Variants in RTKN2 observed in about 807,000 individuals in gnomAD.
RTKN2 encodes rhotekin 2, also known as rhotekin-2.
Under a neutral mutation model 71.5 loss-of-function variants are expected in RTKN2, and 69 were observed. The ratio of observed to expected loss-of-function variants is 0.96; its 90% CI spans 0.79 to 1.18. The LOEUF (loss-of-function observed/expected upper bound fraction) is 1.18. RTKN2 is among the 50% of genes most tolerant of loss of function. The probability of loss-of-function intolerance (pLI) is 0.00; values close to 1 mark genes in which losing one functional copy is unlikely to be tolerated. For missense variants in RTKN2, 724 were observed against 719.7 expected, an observed-to-expected ratio of 1.01 and a Z score of -0.07; for synonymous variants, 236 against 236.5, an observed-to-expected ratio of 1.00 and a Z score of 0.02.
At position 62,198,331 on chromosome 10, in the gene RTKN2, A is replaced by T; in HGVS notation, c.1407T>A (p.Pro469=). ...GGTTACCATCAAAGAGTGTGGCCCA[A>T]GGAGGTGGTAAGGATTCTTCATGCT... The part of the protein sequence containing the change: ...IGQHEESLPP[P]WATLFDGNHQ... The change falls in exon 12 of 12, where the codon CCT becomes CCA. Residue 469 remains proline, a synonymous_variant. Coordinates refer to ENST00000373789, the MANE Select transcript of RTKN2 (RefSeq NM_145307.4). The T allele has an allele frequency of 1.2e-6, 2 of 1,613,912 alleles. No homozygotes were observed. Among genetic ancestry groups the T allele is most frequent in the Non-Finnish European group, 1.7e-6 (2 of 1,179,854 alleles).
chr10:62,231,710 GGTA>G (rs1317691684), intron 6 of RTKN2, among the ~76,000 whole-genome samples: 1 of 151,842 alleles, frequency 6.6e-6, no homozygotes, highest in Non-Finnish European at 1.5e-5. Flanking sequence ...TGGCTTAAAT[GGTA>G]GTCTAAAAAA....
chr10:62,207,466 C>T (rs1212339273), intron 9 of RTKN2, among the ~76,000 whole-genome samples: 2 of 152,142 alleles, frequency 1.3e-5, no homozygotes, highest in African/African-American at 4.8e-5. Context: ...GTGATTAATA[C>T]AAGTAAAGTT....
intron 7 of RTKN2, among the ~76,000 whole-genome samples, chr10:62,219,450 A>C (rs1841857037): frequency 6.6e-6 from 1 of 152,210 alleles, no homozygotes; most frequent in Non-Finnish European, 1.5e-5. Context: ...TCTGCCATAA[A>C]GAACATTATT....
intron 1 of RTKN2, 134 bp downstream of exon 1, chr10:62,268,417 T>A: frequency 1.2e-6 from 1 of 869,408 alleles, no homozygotes; most frequent in Non-Finnish European, 1.9e-6. Context: ...TCCTAATCCC[T>A]CCCTTTGTTT....
chr10:62,260,532 ATATGTGTG>A (rs1842754321), intron 2 of RTKN2, among the ~76,000 whole-genome samples: 1 of 95,928 alleles, frequency 1.0e-5, no homozygotes, highest in Non-Finnish European at 2.3e-5. Context: ...ATGAACAAAT[ATATGTGTG>A]TGTGTGTGTG....
chr10:62,252,471 G>A (rs1012647701), intron 2 of RTKN2, among the ~76,000 whole-genome samples: 1 of 152,040 alleles, frequency 6.6e-6, no homozygotes, highest in Non-Finnish European at 1.5e-5. Flanking sequence ...GATGATTTTG[G>A]AAAGTACAAC....
At chr10:62,222,525 TAC>T (rs1486626321) in intron 7 of RTKN2, among the ~76,000 whole-genome samples, 1 of 152,224 alleles carries the variant, frequency 6.6e-6, no homozygotes, top group African/African-American at 2.4e-5. Flanking sequence ...ATCTTATCAG[TAC>T]AGAGCCACAA....
intron 3 of RTKN2, 110 bp from the exon 4 acceptor site, chr10:62,241,305 T>C (rs1290762937): frequency 1.6e-6 from 1 of 628,680 alleles, no homozygotes; most frequent in Non-Finnish European, 2.8e-6. Context: ...ATAGCTAAAA[T>C]AAAGTGTTAT....
intron 2 of RTKN2, among the ~76,000 whole-genome samples, chr10:62,247,409 A>G (rs2133045598): frequency 6.6e-6 from 1 of 152,116 alleles, no homozygotes; most frequent in East Asian, 1.9e-4. Context: ...TTATAGAATT[A>G]TACATTAGGT....
downstream of RTKN2, among the ~76,000 whole-genome samples, chr10:62,191,220 T>C (rs1841218409): frequency 6.6e-6 from 1 of 152,198 alleles, no homozygotes. Context: ...CAGCTGGAAC[T>C]CTCGGCTCAA....
intron 6 of RTKN2, among the ~76,000 whole-genome samples, chr10:62,225,843 A>C (rs1842010291): frequency 6.7e-6 from 1 of 149,442 alleles, no homozygotes; most frequent in Non-Finnish European, 1.5e-5. Flanking sequence ...GTGCAGTGGC[A>C]CAATCTCGAC....
intron 6 of RTKN2, among the ~76,000 whole-genome samples, chr10:62,224,408 T>C (rs961356010): frequency 6.6e-6 from 1 of 152,186 alleles, no homozygotes; most frequent in Non-Finnish European, 1.5e-5. Flanking sequence ...TTTATCTCTA[T>C]ACTTTGTCAA....
chr10:62,235,904 G>A (rs903651423), intron 6 of RTKN2, among the ~76,000 whole-genome samples, 162 bp downstream of exon 6: 2 of 152,002 alleles, frequency 1.3e-5, no homozygotes, highest in African/African-American at 4.8e-5. Context: ...TTAAAGGAGG[G>A]TATTAAGGAT....
intron 9 of RTKN2, chr10:62,215,187 T>C: frequency 2.7e-6 from 2 of 736,326 alleles, no homozygotes; most frequent in Non-Finnish European, 4.2e-6. Flanking sequence ...ATTTCATTTT[T>C]ACTCCTCAGC....
At chr10:62,247,706 T>C (rs1010074432) in intron 2 of RTKN2, among the ~76,000 whole-genome samples, 1 of 152,020 alleles carries the variant, frequency 6.6e-6, no homozygotes, top group African/African-American at 2.4e-5. Context: ...TTATCTATTT[T>C]GGTGAAATAA....
At chr10:62,217,762 G>GA (rs1841806759) in intron 8 of RTKN2, among the ~76,000 whole-genome samples, 1 of 152,100 alleles carries the variant, frequency 6.6e-6, no homozygotes, top group Non-Finnish European at 1.5e-5. Flanking sequence ...ATTATTTACT[G>GA]AATATAAATA....
downstream of RTKN2, among the ~76,000 whole-genome samples, chr10:62,190,752 C>T (rs1286364495): frequency 1.3e-5 from 2 of 152,136 alleles, no homozygotes; most frequent in African/African-American, 2.4e-5. Context: ...CTCCTAACTC[C>T]GTCAGCTCTA....
intron 2 of RTKN2, among the ~76,000 whole-genome samples, chr10:62,255,355 C>G (rs1842655530): frequency 1.3e-5 from 2 of 152,058 alleles, no homozygotes; most frequent in Non-Finnish European, 2.9e-5. Context: ...GTAAAGGGAG[C>G]CAGGTGTCAG....
chr10:62,199,650 G>T, intron 11 of RTKN2, 104 bp downstream of exon 11: 1 of 600,206 alleles, frequency 1.7e-6, no homozygotes. Context: ...TTTTGATTGT[G>T]CCCTGAAAAT....
Sources: allele counts gnomAD v4.1 joint callset (sites outside exome capture counted in the v4.1 genomes callset), GRCh38; gene constraint gnomAD v4.1.1; transcripts MANE v1.5; gene names NCBI Gene and HGNC (gene_info 2026-07-23, HGNC 2026-07-21).